MIB1: variants seen among roughly 807,000 people sequenced by gnomAD.
MIB1 encodes MIB E3 ubiquitin protein ligase 1, also known as E3 ubiquitin-protein ligase MIB1.
MIB1 carries 278 observed loss-of-function variants against 124.5 expected under a neutral mutation model. That is an observed-to-expected ratio of 2.23 (90% CI 2.02 to 2.47). The LOEUF (loss-of-function observed/expected upper bound fraction) is 2.47, where lower values mean the gene tolerates loss of function less well. MIB1 is among the 30% of genes most tolerant of loss of function. The pLI is 0.00. For missense variants in MIB1, 957 were observed against 1,254.4 expected (o/e 0.76, Z 3.58); for synonymous variants, 446 against 429.4 (o/e 1.04, Z -0.48).
intron 18 of MIB1, among the ~76,000 whole-genome samples, chr18:21,855,713 A>G (rs901362828): frequency 6.6e-6 from 1 of 152,170 alleles, no homozygotes; most frequent in Non-Finnish European, 1.5e-5. Flanking sequence ...CTTTGTCCAC[A>G]TCAGTGGTTT....
At chr18:21,737,448 C>T (rs866102452), upstream of MIB1, among the ~76,000 whole-genome samples, 9 of 152,222 alleles carry the variant, frequency 5.9e-5, no homozygotes, top group African/African-American at 2.2e-4. Flanking sequence ...AGACCATCGA[C>T]GCTATGAAGA....
At chr18:21,830,788 A>G (rs187204151) in intron 12 of MIB1, 102 of 152,206 alleles carry the variant, frequency 6.7e-4, no homozygotes, top group African/African-American at 2.0e-3. Context: ...TGAACACAGA[A>G]CCTCACCTTT....
chr18:21,824,015 T>C (rs1388093234), intron 12 of MIB1, among the ~76,000 whole-genome samples: 1 of 152,176 alleles, frequency 6.6e-6, no homozygotes, highest in Non-Finnish European at 1.5e-5. Flanking sequence ...TTTTTAGAGC[T>C]CCCTTACAGG....
chr18:21,790,328 G>T lies in MIB1; in HGVS notation c.909-1046G>T, dbSNP rs11083341. 1.2e-3 allele frequency among the ~76,000 whole-genome samples: 188 copies of T among 152,190 alleles called. 2 individuals are homozygous for T. The highest frequency in any genetic ancestry group is 4.4e-3 in the African/African-American group (181 of 41,526). On this transcript the variant is annotated intron_variant, in intron 6 of 20. Coordinates refer to ENST00000261537, the MANE Select transcript of MIB1 (RefSeq NM_020774.4). ...TGGTCTTTACAGTACTGTACATATT[G>T]GTGACAATTTGGAAGCACTTTAAAT...
At chr18:21,819,081 T>A (rs1445279539) in intron 11 of MIB1, among the ~76,000 whole-genome samples, 1 of 152,210 alleles carries the variant, frequency 6.6e-6, no homozygotes, top group Non-Finnish European at 1.5e-5. Flanking sequence ...TCTGTCACCC[T>A]GGCTGGAGTG....
intron 2 of MIB1, among the ~76,000 whole-genome samples, chr18:21,767,211 A>G (rs1254640097): frequency 6.6e-6 from 1 of 152,214 alleles, no homozygotes; most frequent in East Asian, 1.9e-4. Context: ...AAGAGGTTTA[A>G]TTGACTTACA....
At chr18:21,853,856 GATTTTATTTT>G (rs754031159) in intron 18 of MIB1, among the ~76,000 whole-genome samples, 1 of 151,606 alleles carries the variant, frequency 6.6e-6, no homozygotes. Context: ...GTCAATAAAA[GATTTTATTTT>G]ATTTTATTTT....
At chr18:21,838,712 A>G (rs2042056235) in intron 13 of MIB1, among the ~76,000 whole-genome samples, 1 of 152,134 alleles carries the variant, frequency 6.6e-6, no homozygotes. Flanking sequence ...TGAGTCCCTC[A>G]ATTCCCAGGA....
Position 21,844,141 on chromosome 18 carries a change from A to G in MIB1, c.2099A>G (p.Asp700Gly). The G allele has an allele frequency of 1.9e-6, 3 of 1,613,976 alleles. No homozygotes were observed. The highest frequency in any genetic ancestry group is 2.5e-6 in the Non-Finnish European group (3 of 1,179,970). The change falls in exon 15 of 21, where the codon GAT becomes GGT. Residue 700 changes from aspartate (D) to glycine (G), a missense_variant. Asp to Gly is a moderately conservative substitution (Grantham distance 94). Transcript: ENST00000261537. ...AKLDIQDKDG[D>G]TPLHEALRHH... Reference sequence around the variant, plus strand: ...CTTGATATTCAGGATAAGGATGGGGATACTCCTTTGCATGAAGCTCTAAGG... The same window carrying G: ...CTTGATATTCAGGATAAGGATGGGGGTACTCCTTTGCATGAAGCTCTAAGG...
intron 1 of MIB1, among the ~76,000 whole-genome samples, chr18:21,716,509 A>C (rs1405230699): frequency 6.6e-6 from 1 of 152,228 alleles, no homozygotes; most frequent in Admixed American, 6.5e-5. Flanking sequence ...AATGAATGGA[A>C]TAGTACCTCA....
At chr18:21,795,930 C>T (rs1475818640) in intron 7 of MIB1, among the ~76,000 whole-genome samples, 2 of 152,024 alleles carry the variant, frequency 1.3e-5, no homozygotes, top group Non-Finnish European at 2.9e-5. Flanking sequence ...CTTTGAGAAT[C>T]AGAATTATCA....
At chr18:21,787,138 C>T (rs1243828029) in intron 6 of MIB1, among the ~76,000 whole-genome samples, 2 of 152,004 alleles carry the variant, frequency 1.3e-5, no homozygotes, top group Admixed American at 1.3e-4. Context: ...CTGCCTGCCT[C>T]CTTTTCAGAG....
chr18:21,724,649 G>A (rs1271969183), intron 1 of MIB1, among the ~76,000 whole-genome samples: 1 of 140,598 alleles, frequency 7.1e-6, no homozygotes, highest in Non-Finnish European at 1.5e-5. Flanking sequence ...AGGTTGCAGT[G>A]AGCTGAGATT....
chr18:21,781,673 C>T (rs1303153792), intron 6 of MIB1, among the ~76,000 whole-genome samples: 2 of 151,826 alleles, frequency 1.3e-5, no homozygotes, highest in Admixed American at 1.3e-4. Context: ...CCTTGGCCTC[C>T]CAAAGTGCTG....
intron 1 of MIB1, among the ~76,000 whole-genome samples, chr18:21,750,859 C>G (rs183312625): frequency 5.3e-4 from 81 of 152,260 alleles, no homozygotes; most frequent in Middle Eastern, 6.8e-3. Context: ...ATTGTCCTTT[C>G]TCCCCAACCA....
chr18:21,807,707 C>A (rs893255392), intron 10 of MIB1, among the ~76,000 whole-genome samples: 1 of 152,134 alleles, frequency 6.6e-6, no homozygotes, highest in Non-Finnish European at 1.5e-5. Context: ...ACAGCTCTCA[C>A]AACAGTGATC....
rs527653113 is a variant in MIB1 at position 21,771,078 on chromosome 18, A to G, written c.531+2326A>G. Among the ~76,000 whole-genome samples the G allele has an allele frequency of 2.0e-5, 3 of 152,278 alleles. No individual in the cohort carries two copies. The East Asian group carries it at 5.8e-4, about 29-fold the overall frequency. On this transcript the variant is annotated intron_variant, in intron 3 of 20. Coordinates refer to ENST00000261537, the MANE Select transcript of MIB1 (RefSeq NM_020774.4). ...AAGTCTGATTATTCTGCTATTAGTG[A>G]TGTTAAGATTGATGAACAGGTGCAA...
chr18:21,742,109 ACTC>A (rs2040860491), intron 1 of MIB1, among the ~76,000 whole-genome samples: 3 of 151,792 alleles, frequency 2.0e-5, no homozygotes, highest in African/African-American at 4.8e-5. Context: ...CCCCAACCCG[ACTC>A]CTCCTCTTGG....
rs753325657 is a variant in MIB1 at position 21,819,579 on chromosome 18, G to A, written c.1762G>A (p.Asp588Asn). The A allele has an allele frequency of 6.2e-7, 1 of 1,612,470 alleles. No homozygotes were observed. Among genetic ancestry groups the A allele is most frequent in the Non-Finnish European group, 8.5e-7 (1 of 1,178,958 alleles). The change falls in exon 12 of 21, where the codon GAT (aspartate) becomes AAT (asparagine). Residue 588 changes from aspartate (D) to asparagine (N), a missense_variant. Coordinates refer to ENST00000261537, the MANE Select transcript of MIB1 (RefSeq NM_020774.4). ...AGCAGTTCTTTTGGAAGCTGGAGCA[G>A]ATGTTACCATCACAAACAATAATGG... is the stretch of plus-strand genomic sequence containing the variant. Reference protein sequence around the residue: ...ILAVLLEAGADVTITNNNGFN... With the variant: ...ILAVLLEAGANVTITNNNGFN...
Sources: allele counts gnomAD v4.1 joint callset (sites outside exome capture counted in the v4.1 genomes callset), GRCh38; gene constraint gnomAD v4.1.1; transcripts MANE v1.5; gene names NCBI Gene and HGNC (gene_info 2026-07-23, HGNC 2026-07-21).